MRPS28: variants seen among roughly 807,000 people sequenced by gnomAD.
MRPS28 encodes the protein small ribosomal subunit protein bS1m.
Under a neutral mutation model 10.8 loss-of-function variants are expected in MRPS28, and 7 were observed. The observed-to-expected ratio is 0.65, with a 90% CI of 0.37 to 1.22. The LOEUF is 1.22. MRPS28 is among the 50% of genes most tolerant of loss of function. MRPS28 has a pLI of 0.02. For missense variants in MRPS28, 265 were observed against 232.9 expected (o/e 1.14, Z -0.90); for synonymous variants, 121 against 93.3 (o/e 1.30, Z -1.71).
chr8:79,988,278 G>C (rs1407894850), intron 2 of MRPS28, among the ~76,000 whole-genome samples: 3 of 113,074 alleles, frequency 2.7e-5, no homozygotes, highest in Admixed American at 1.1e-4. Flanking sequence ...ATCGTGGGGT[G>C]GGGGGAGGGG....
intron 1 of MRPS28, chr8:80,028,648 G>GCGGGGGGGCGGGGGGGGGGGGGGC (rs1554575890): frequency 3.1e-5 from 3 of 98,198 alleles, no homozygotes; most frequent in African/African-American, 1.4e-4. Context: ...CAGAAGACGG[G>GCGGGGGGGCGGGGGGGGGGGGGGC]CGGGGGGGGC....
rs75350163 is a variant in MRPS28, at chr8:79,990,496, AT to A, written c.395+12502del. ...AAAATGCCAATCCCCAAACACCACC[AT>A]CATAACTTTTCACCCTGAAATTCAG... On this transcript the variant is annotated intron_variant, in intron 2 of 2. Coordinates refer to ENST00000276585, the MANE Select transcript of MRPS28 (RefSeq NM_014018.3). 1.6e-3 allele frequency among the ~76,000 whole-genome samples: 243 copies of A among 152,232 alleles called. 5 individuals carry two copies. In the East Asian group the frequency reaches 0.044, roughly 28 times the overall value.
At chr8:79,956,184 T>TTGC (rs1314555683) in intron 2 of MRPS28, among the ~76,000 whole-genome samples, 1 of 152,154 alleles carries the variant, frequency 6.6e-6, no homozygotes, top group African/African-American at 2.4e-5. Context: ...TTACATTTTG[T>TTGC]TGCTGCTCAT....
chr8:79,977,046 A>G (rs1807820895), intron 2 of MRPS28, among the ~76,000 whole-genome samples: 1 of 152,216 alleles, frequency 6.6e-6, no homozygotes, highest in Non-Finnish European at 1.5e-5. Context: ...AGAAATTATG[A>G]TATATTCAAT....
chr8:79,975,581 A>G (rs1302633396), intron 2 of MRPS28, among the ~76,000 whole-genome samples: 1 of 152,226 alleles, frequency 6.6e-6, no homozygotes, highest in African/African-American at 2.4e-5. Context: ...CAACCAGAAC[A>G]GGCCAATGAC....
intron 2 of MRPS28, among the ~76,000 whole-genome samples, chr8:79,978,290 A>G (rs139930189): frequency 6.6e-6 from 1 of 152,162 alleles, no homozygotes; most frequent in South Asian, 2.1e-4. Flanking sequence ...TTTACAAAAG[A>G]TTATTGCAAC....
intron 2 of MRPS28, among the ~76,000 whole-genome samples, chr8:79,951,954 G>A (rs963760615): frequency 2.0e-5 from 3 of 152,150 alleles, no homozygotes; most frequent in African/African-American, 4.8e-5. Context: ...AGGTGAGTTG[G>A]TAAGTTTCTT....
At chr8:79,998,291 G>C (rs1286375419) in intron 2 of MRPS28, among the ~76,000 whole-genome samples, 1 of 152,148 alleles carries the variant, frequency 6.6e-6, no homozygotes, top group Non-Finnish European at 1.5e-5. Context: ...ATGCCATTCT[G>C]AGTCATTCTG....
At chr8:79,959,602 T>C (rs932319183) in intron 2 of MRPS28, among the ~76,000 whole-genome samples, 11 of 152,220 alleles carry the variant, frequency 7.2e-5, no homozygotes, top group African/African-American at 1.9e-4. Context: ...TAGAAAAACT[T>C]TGCAGCAAAT....
Position 80,003,137 on chromosome 8 carries a change from T to A in MRPS28, c.257A>T (p.His86Leu), listed in dbSNP as rs1407109854. ...NVESFASMLR[H>L]SPLTQMGPAK... ...AGGTCCCATCTGTGTAAGAGGAGAA[T>A]GTCTCAGCATAGATGCAAAGGATTC... The change falls in exon 2 of 3, where the codon CAT becomes CTT. Residue 86 changes from histidine to leucine, a missense_variant. His to Leu is a moderately conservative substitution (Grantham distance 99). Transcript: ENST00000276585. The A allele has an allele frequency of 1.2e-6, 2 of 1,604,394 alleles. No homozygotes were observed. Among genetic ancestry groups the A allele is most frequent in the East Asian group, 4.5e-5 (2 of 44,802 alleles).
intron 2 of MRPS28, among the ~76,000 whole-genome samples, chr8:79,983,770 T>G (rs994160741): frequency 8.5e-5 from 13 of 152,174 alleles, no homozygotes; most frequent in Non-Finnish European, 1.8e-4. Context: ...AATATGGGAC[T>G]ATGTGAAAAG....
intron 1 of MRPS28, among the ~76,000 whole-genome samples, chr8:80,029,238 T>C (rs1809579285): frequency 6.6e-6 from 1 of 152,212 alleles, no homozygotes; most frequent in Admixed American, 6.5e-5. Context: ...CAGAAAAATT[T>C]TGACATCAGT....
intron 2 of MRPS28, among the ~76,000 whole-genome samples, chr8:79,933,290 G>A (rs569922587): frequency 1.6e-4 from 25 of 152,316 alleles, no homozygotes; most frequent in African/African-American, 5.8e-4. Flanking sequence ...GTGACCTCAC[G>A]TGGCCCTCTC....
At chr8:80,007,249 T>C (rs566072446) in intron 1 of MRPS28, among the ~76,000 whole-genome samples, 6 of 152,228 alleles carry the variant, frequency 3.9e-5, no homozygotes, top group African/African-American at 1.4e-4. Context: ...TCTCAAGCAA[T>C]TAGGTATTGA....
intron 2 of MRPS28, among the ~76,000 whole-genome samples, chr8:79,938,523 A>G (rs1806671262): frequency 2.0e-5 from 3 of 152,162 alleles, no homozygotes; most frequent in African/African-American, 7.2e-5. Flanking sequence ...TTGGTAAAAA[A>G]ATAAAATTGA....
At chr8:79,986,311 C>A (rs1158600001) in intron 2 of MRPS28, among the ~76,000 whole-genome samples, 1 of 152,204 alleles carries the variant, frequency 6.6e-6, no homozygotes, top group Non-Finnish European at 1.5e-5. Flanking sequence ...AACCCACAGT[C>A]AATATCATAC....
Position 79,987,754 on chromosome 8 carries a change from A to G in MRPS28, c.395+15245T>C, listed in dbSNP as rs548890308. 6.3e-3 allele frequency among the ~76,000 whole-genome samples: 961 copies of G among 152,322 alleles called. 7 individuals are homozygous for G. Among genetic ancestry groups the G allele is most frequent in the African/African-American group, 0.022 (897 of 41,564 alleles). On this transcript the variant is annotated intron_variant, in intron 2 of 2. Transcript: ENST00000276585. The stretch of plus-strand genomic sequence containing the variant: ...ACCATCTCACACGAGTTAGAATGGC[A>G]ATCATTAAAAAGTCAGGAAACAACA...
intron 1 of MRPS28, among the ~76,000 whole-genome samples, chr8:80,023,111 T>A (rs1809410150): frequency 6.6e-6 from 1 of 152,234 alleles, no homozygotes; most frequent in South Asian, 2.1e-4. Flanking sequence ...CTAAACATGC[T>A]TTGAAAATGT....
intron 2 of MRPS28, among the ~76,000 whole-genome samples, chr8:79,986,141 T>G (rs1361183686): frequency 2.6e-5 from 4 of 152,210 alleles, no homozygotes; most frequent in Non-Finnish European, 5.9e-5. Context: ...TCAATAAATG[T>G]AATCCAGCAT....
Sources: allele counts gnomAD v4.1 joint callset (sites outside exome capture counted in the v4.1 genomes callset), GRCh38; gene constraint gnomAD v4.1.1; transcripts MANE v1.5; gene names NCBI Gene and HGNC (gene_info 2026-07-23, HGNC 2026-07-21).